Variants in A2ML1 observed in about 807,000 individuals in gnomAD.
The protein encoded by A2ML1 is alpha-2-macroglobulin like 1.
In A2ML1, 161 loss-of-function variants were observed where a neutral mutation model predicts 181.9. That is an observed-to-expected ratio of 0.89 (90% confidence interval 0.78 to 1.01). The LOEUF is 1.01. A2ML1 is among the 50% of genes least tolerant of loss of function. A2ML1 has a pLI of 0.00. For missense variants in A2ML1, 1,670 were observed against 1,768.1 expected (o/e 0.94, Z 1.00); for synonymous variants, 663 against 666.8 (o/e 0.99, Z 0.09).
chr12:8,838,772 C>T (rs1416418125), intron 9 of A2ML1, among the ~76,000 whole-genome samples: 1 of 151,836 alleles, frequency 6.6e-6, no homozygotes, highest in Non-Finnish European at 1.5e-5. Context: ...ATTAGCCGGG[C>T]ATGGTGACGG....
Position 8,841,383 on chromosome 12 carries a change from C to T in A2ML1, c.1095C>T (p.Gly365=), listed in dbSNP as rs369455997. The T allele has an allele frequency of 7.4e-6, 12 of 1,613,932 alleles. No homozygotes were observed. Among genetic ancestry groups the T allele is most frequent in the Middle Eastern group, 1.6e-4 (1 of 6,082 alleles). ...FPFSGKIRVR[G]HDDSFLKNHL... is the part of the protein sequence containing the mutation. ...TTGTCCTTCAGATAAGAGTTAGGGGCCATGATGACTCCTTCCTCAAGAACC... is the reference window on the plus strand; with the variant it reads ...TTGTCCTTCAGATAAGAGTTAGGGGTCATGATGACTCCTTCCTCAAGAACC... Residue 365 remains glycine (G), a synonymous_variant, in exon 11 of 36, where the codon GGC becomes GGT. Coordinates refer to ENST00000299698, the MANE Select transcript of A2ML1 (RefSeq NM_144670.6).
At chr12:8,824,222 G>GGTTTTTTT (rs1942847563) in intron 3 of A2ML1, among the ~76,000 whole-genome samples, 2 of 92,310 alleles carry the variant, frequency 2.2e-5, no homozygotes, top group African/African-American at 8.6e-5. Context: ...AGCTACTGGG[G>GGTTTTTTT]TTTTTTTTTT....
intron 7 of A2ML1, among the ~76,000 whole-genome samples, chr12:8,882,352 A>C (rs1429056620): frequency 6.6e-6 from 1 of 152,164 alleles, no homozygotes; most frequent in Non-Finnish European, 1.5e-5. Flanking sequence ...GCCTTCATCA[A>C]GGATTTGGTA....
chr12:8,868,183 TA>T (rs1466496798), intron 30 of A2ML1, 46 bp from the exon 31 acceptor site: 1 of 1,612,352 alleles, frequency 6.2e-7, no homozygotes, highest in South Asian at 1.1e-5. Context: ...GTACAATCTT[TA>T]AAGTTCTTTC....
At chr12:8,855,488 C>CT (rs1944032284) in intron 22 of A2ML1, 21 bp from the exon 23 acceptor site, 1 of 1,612,862 alleles carries the variant, frequency 6.2e-7, no homozygotes, top group Non-Finnish European at 8.5e-7. Context: ...ATTGTGTCAC[C>CT]TTTTTTTCTG....
chr12:8,846,155 T>A lies in A2ML1; in HGVS notation c.1616T>A (p.Ile539Asn). 6.2e-7 allele frequency: 1 copy of A among 1,614,046 alleles called. No homozygotes were observed. Among genetic ancestry groups the A allele is most frequent in the Non-Finnish European group, 8.5e-7 (1 of 1,179,924 alleles). ...APDPSLVIYA[I>N]FPSGGVVADK... is the part of the protein sequence containing the mutation. The stretch of plus-strand genomic sequence containing the variant: ...GATCCTTCCCTGGTGATCTATGCCA[T>A]TTTTCCCAGTGGAGGTGTTGTAGCT... Residue 539 changes from isoleucine to asparagine, a missense_variant, in exon 14 of 36, where the codon ATT becomes AAT. By Grantham distance (149) the Ile-to-Asn change is moderately radical. Transcript: ENST00000299698.
chr12:8,878,597 C>G (rs1037093632), downstream of A2ML1, among the ~76,000 whole-genome samples: 8 of 152,184 alleles, frequency 5.3e-5, no homozygotes, highest in Non-Finnish European at 1.0e-4. The surrounding 1 kb of genome is among the most constrained non-coding windows in gnomAD (Gnocchi z 4.4). Flanking sequence ...CACAGCATCA[C>G]GCAATATACC....
At chr12:8,835,407 G>C in intron 5 of A2ML1, 100 bp from the exon 6 acceptor site, 1 of 1,455,318 alleles carries the variant, frequency 6.9e-7, no homozygotes, top group East Asian at 2.3e-5. Flanking sequence ...TGAACAATGG[G>C]TGGGGTTTTT....
intron 18 of A2ML1, among the ~76,000 whole-genome samples, chr12:8,850,893 C>T (rs868119730): frequency 3.3e-5 from 5 of 152,050 alleles, no homozygotes; most frequent in Non-Finnish European, 5.9e-5. Context: ...CACATGCCAC[C>T]ACACCTGGCT....
At chr12:8,848,490 AC>A (rs1943778872) in intron 15 of A2ML1, among the ~76,000 whole-genome samples, 1 of 152,132 alleles carries the variant, frequency 6.6e-6, no homozygotes, top group Admixed American at 6.5e-5. Flanking sequence ...CAAAAAAAAA[AC>A]AAGAAAGAGA....
exon 8 of A2ML1, chr12:8,886,988 A>G (rs747597736): frequency 6.6e-6 from 1 of 152,222 alleles, no homozygotes; most frequent in East Asian, 1.9e-4. Flanking sequence ...ACAAAAAAAT[A>G]TAAATAAATA....
chr12:8,831,799 G>A (rs1027529336), intron 4 of A2ML1, among the ~76,000 whole-genome samples: 1 of 151,956 alleles, frequency 6.6e-6, no homozygotes, highest in African/African-American at 2.4e-5. Context: ...GCCCAGGCTG[G>A]AGTGCAATGG....
chr12:8,823,743 A>T lies in A2ML1; in HGVS notation c.270A>T (p.Thr90=). ...AGGTACCACCTCCTGCTGGTGGCAC[A>T]GAAGAAGTGGCCACAATCCGGGTGT... ...SFLVPPPAGG[T]EEVATIRVSG... is the part of the protein sequence containing the mutation. Residue 90 remains threonine, a synonymous_variant, in exon 3 of 36, where the codon ACA becomes ACT. Coordinates refer to ENST00000299698, the MANE Select transcript of A2ML1 (RefSeq NM_144670.6). 1 of 1,614,010 alleles carries T rather than the reference A, an allele frequency of 6.2e-7. No homozygotes were observed. The highest frequency in any genetic ancestry group is 2.2e-5 in the East Asian group (1 of 44,868).
Position 8,868,620 on chromosome 12 carries a change from A to G in A2ML1, c.4145A>G (p.Asn1382Ser). Residue 1382 changes from asparagine (N) to serine (S), a missense_variant, in exon 32 of 36, where the codon AAT becomes AGT. Coordinates refer to ENST00000299698, the MANE Select transcript of A2ML1 (RefSeq NM_144670.6). ...LSGFSPMEGT[N>S]QLLLQQPLVK... ...GGGTTCAGTCCCATGGAGGGCACCA[A>G]TCAGTTAGTAAGTTACTTCTGTTTT... 5.0e-6 allele frequency: 8 copies of G among 1,613,804 alleles called. No homozygotes were observed. Among genetic ancestry groups the G allele is most frequent in the African/African-American group, 1.3e-5 (1 of 74,982 alleles).
At chr12:8,881,992 C>G (rs1325934790) in intron 7 of A2ML1, among the ~76,000 whole-genome samples, 2 of 148,970 alleles carry the variant, frequency 1.3e-5, no homozygotes, top group East Asian at 2.0e-4. Flanking sequence ...GCCTGGGCGA[C>G]AGAGCGAGAC....
intron 3 of A2ML1, 74 bp downstream of exon 3, chr12:8,823,956 T>C: frequency 6.7e-7 from 1 of 1,501,492 alleles, no homozygotes; most frequent in Non-Finnish European, 8.9e-7. Context: ...AGGGGATTTG[T>C]GGTTTGACAG....
At chr12:8,824,462 A>G (rs996885202) in intron 3 of A2ML1, among the ~76,000 whole-genome samples, 1 of 151,932 alleles carries the variant, frequency 6.6e-6, no homozygotes, top group African/African-American at 2.4e-5. Flanking sequence ...TGTATCCATC[A>G]CCTCAAGCAT....
At chr12:8,842,374 A>T (rs1230787719) in intron 11 of A2ML1, among the ~76,000 whole-genome samples, 1 of 145,842 alleles carries the variant, frequency 6.9e-6, no homozygotes, top group Non-Finnish European at 1.5e-5. Context: ...GCCTGCCACC[A>T]CGCCCGGCTA....
At position 8,845,077 on chromosome 12, in the gene A2ML1, AAC is replaced by A. The variant is rs1262008437; in HGVS notation, c.1477-362_1477-361del. ...ATTTTAAATTGAGCTGTAATTAAAAAACACTTATGAGGATAGATTTTCGCTGA... is the reference window on the plus strand; with the variant it reads ...ATTTTAAATTGAGCTGTAATTAAAAAACTTATGAGGATAGATTTTCGCTGA... On this transcript the variant is annotated intron_variant, in intron 12 of 35. Transcript: ENST00000299698. The A allele has an allele frequency of 3.5e-6, 5 of 1,436,538 alleles. No individual in the cohort carries two copies. In the African/African-American group the frequency reaches 5.7e-5, roughly 16 times the overall value. The allele number at this position is 1,436,538 out of a possible 1,614,324, so 89.0% of individuals were successfully genotyped here. A position where few individuals can be genotyped will look rare whatever the true frequency, so the allele number is the denominator to read the frequency against.
Sources: allele counts gnomAD v4.1 joint callset (sites outside exome capture counted in the v4.1 genomes callset), GRCh38; gene constraint gnomAD v4.1.1; non-coding constraint Gnocchi (gnomAD v3.1); transcripts MANE v1.5; gene names NCBI Gene and HGNC (gene_info 2026-07-23, HGNC 2026-07-21).